Variants in KLF8 observed in about 807,000 individuals in gnomAD.
KLF8 encodes KLF transcription factor 8.
In KLF8, 10 loss-of-function variants were observed where a neutral mutation model predicts 18.2. That is an observed-to-expected ratio of 0.55 (90% CI 0.34 to 0.93). KLF8 has a LOEUF of 0.93. Ranked by LOEUF, KLF8 falls within the 40% of genes least tolerant of loss-of-function variation. The probability of loss-of-function intolerance (pLI) is 0.02; values close to 1 mark genes in which losing one functional copy is unlikely to be tolerated. For missense variants in KLF8, 264 were observed against 277.9 expected, an observed-to-expected ratio of 0.95 and a Z score of 0.36; for synonymous variants, 109 against 97.3, an observed-to-expected ratio of 1.12 and a Z score of -0.71.
chrX:56,196,351 G>T, the KLF8 span, among the ~76,000 whole-genome samples: 1 of 111,119 alleles, frequency 9.0e-6, no homozygotes, highest in Admixed American at 9.6e-5. Flanking sequence ...CACGTGCAAA[G>T]ATGCACAGAG....
At chrX:55,942,354 C>A in the KLF8 span, among the ~76,000 whole-genome samples, 3 of 109,241 alleles carry the variant, frequency 2.7e-5, no homozygotes, top group East Asian at 8.6e-4. Context: ...ACATCACACA[C>A]CAGGGACTGT....
chrX:55,967,502 G>A, the KLF8 span, among the ~76,000 whole-genome samples: 7 of 109,615 alleles, frequency 6.4e-5, no homozygotes, highest in Admixed American at 6.8e-4. Flanking sequence ...TTAGAATACT[G>A]TAGCCAGTGA....
the KLF8 span, among the ~76,000 whole-genome samples, chrX:55,915,582 T>C: frequency 8.9e-6 from 1 of 112,011 alleles, no homozygotes; most frequent in African/African-American, 3.2e-5. Flanking sequence ...TGTACTTGCC[T>C]TGAGCCATGT....
At chrX:56,076,706 G>T in the KLF8 span, among the ~76,000 whole-genome samples, 1 of 111,628 alleles carries the variant, frequency 9.0e-6, no homozygotes, top group Non-Finnish European at 1.9e-5. Context: ...GATCCCTGAG[G>T]AATCGCCACA....
chrX:56,131,736 G>A, the KLF8 span, among the ~76,000 whole-genome samples: 1 of 111,706 alleles, frequency 9.0e-6, no homozygotes, highest in African/African-American at 3.3e-5. Flanking sequence ...CTGCCTTGAA[G>A]AGACTCACCT....
chrX:56,216,163 C>T, the KLF8 span, among the ~76,000 whole-genome samples: 1 of 110,091 alleles, frequency 9.1e-6, no homozygotes, highest in Non-Finnish European at 1.9e-5. Context: ...TTCATCTTCA[C>T]TTCCCCTACC....
At chrX:55,936,083 G>C in the KLF8 span, among the ~76,000 whole-genome samples, 3 of 112,148 alleles carry the variant, frequency 2.7e-5, no homozygotes, top group Non-Finnish European at 5.6e-5. Context: ...TAATCTACCA[G>C]AGAGAATGCA....
chrX:55,982,236 T>A, the KLF8 span, among the ~76,000 whole-genome samples: 1 of 111,871 alleles, frequency 8.9e-6, no homozygotes, highest in Admixed American at 9.5e-5. Flanking sequence ...AACCTAACAT[T>A]AATGTTTTGT....
upstream of KLF8, among the ~76,000 whole-genome samples, chrX:56,231,729 C>A (rs774162952): frequency 6.3e-5 from 7 of 111,234 alleles, no homozygotes; most frequent in African/African-American, 2.3e-4. Context: ...TTCAGCTTTA[C>A]GGGGATCTTC....
chrX:56,082,466 T>C, the KLF8 span, among the ~76,000 whole-genome samples: 3 of 111,004 alleles, frequency 2.7e-5, no homozygotes, highest in Non-Finnish European at 5.7e-5. Flanking sequence ...GTCTCTTCTA[T>C]AATCTTTATT....
chrX:56,266,130 C>T (rs2066969862), intron 3 of KLF8: 2 of 766,945 alleles, frequency 2.6e-6, no homozygotes, highest in South Asian at 6.5e-5. Context: ...TTACTAAAGG[C>T]ATCCACCCTC....
the KLF8 span, among the ~76,000 whole-genome samples, chrX:56,023,028 A>C: frequency 1.1e-4 from 12 of 111,885 alleles, no homozygotes; most frequent in African/African-American, 3.2e-4. Flanking sequence ...TTACAAAGAA[A>C]ATATGGGGAA....
the KLF8 span, among the ~76,000 whole-genome samples, chrX:56,183,332 G>A: frequency 8.9e-6 from 1 of 112,072 alleles, no homozygotes; most frequent in Non-Finnish European, 1.9e-5. Context: ...TGCAGTATTA[G>A]GGTGGGAGTT....
At chrX:56,159,016 T>A in the KLF8 span, among the ~76,000 whole-genome samples, 1 of 111,876 alleles carries the variant, frequency 8.9e-6, no homozygotes, top group Non-Finnish European at 1.9e-5. Context: ...TGATATTGGA[T>A]GTGGGTTTGT....
At chrX:56,233,395 C>A in intron 1 of KLF8, 54 bp downstream of exon 1, 2 of 934,497 alleles carry the variant, frequency 2.1e-6, no homozygotes, top group African/African-American at 1.9e-5. Context: ...CGTCTAGATT[C>A]TATCCCCCTC....
the KLF8 span, among the ~76,000 whole-genome samples, chrX:56,186,343 G>A: frequency 8.9e-6 from 1 of 111,854 alleles, no homozygotes; most frequent in Non-Finnish European, 1.9e-5. Flanking sequence ...AAATATATAT[G>A]CACTCAATAC....
the KLF8 span, among the ~76,000 whole-genome samples, chrX:56,219,624 C>A: frequency 3.6e-5 from 4 of 112,126 alleles, no homozygotes; most frequent in Admixed American, 3.8e-4. Flanking sequence ...TATCCTCTCC[C>A]CAATGTCCTC....
At chrX:55,928,485 G>A in the KLF8 span, among the ~76,000 whole-genome samples, 1 of 111,020 alleles carries the variant, frequency 9.0e-6, no homozygotes, top group African/African-American at 3.3e-5. Flanking sequence ...TCTACATTAG[G>A]TATTTCTCCT....
At chrX:56,217,651 C>T in the KLF8 span, among the ~76,000 whole-genome samples, 1 of 111,082 alleles carries the variant, frequency 9.0e-6, no homozygotes, top group African/African-American at 3.3e-5. Flanking sequence ...AATCTCTTGA[C>T]CTTGTGATCC....
Sources: gnomAD v4.1 joint callset for allele counts (sites outside exome capture counted in the v4.1 genomes callset) on GRCh38, gnomAD v4.1.1 for gene constraint, MANE v1.5 for transcripts, NCBI Gene and HGNC (gene_info 2026-07-23, HGNC 2026-07-21) for gene names.